The following WWOX variants were observed in gnomAD, a reference collection of about 807,000 sequenced individuals.
The protein encoded by WWOX is WW domain-containing oxidoreductase.
Under a neutral mutation model 46.2 loss-of-function variants are expected in WWOX, and 69 were observed. The observed-to-expected ratio is 1.49, with a 90% CI of 1.23 to 1.82. WWOX has a LOEUF of 1.82. Ranked by LOEUF, WWOX falls within the 40% of genes most tolerant of loss-of-function variation. WWOX has a pLI of 0.00. For missense variants in WWOX, 919 were observed against 542.6 expected (o/e 1.69, Z -6.89); for synonymous variants, 359 against 202.6 (o/e 1.77, Z -6.56).
chr16:78,417,595 C>A (rs138430025), intron 6 of WWOX, among the ~76,000 whole-genome samples: 1 of 152,202 alleles, frequency 6.6e-6, no homozygotes, highest in Non-Finnish European at 1.5e-5. Flanking sequence ...AAATGTAAGT[C>A]TCTCTTCACT....
chr16:79,097,625 A>T (rs1001905260), intron 8 of WWOX, among the ~76,000 whole-genome samples: 9 of 152,184 alleles, frequency 5.9e-5, no homozygotes, highest in Non-Finnish European at 1.0e-4. Flanking sequence ...GACGACATTC[A>T]ACATCGTACT....
chr16:78,464,595 C>G (rs775422762), intron 8 of WWOX, among the ~76,000 whole-genome samples: 1 of 152,148 alleles, frequency 6.6e-6, no homozygotes, highest in African/African-American at 2.4e-5. Flanking sequence ...AGGTTAGAGG[C>G]TATGTCAGAA....
At chr16:78,466,580 A>G (rs936289759) in intron 8 of WWOX, among the ~76,000 whole-genome samples, 2 of 152,152 alleles carry the variant, frequency 1.3e-5, no homozygotes, top group Admixed American at 1.3e-4. Context: ...CTGTAATCCC[A>G]GCACTTTGGG....
chr16:78,718,500 TTCAATAAAAATGAATTTGCCAG>T (rs1413848126), intron 8 of WWOX, among the ~76,000 whole-genome samples: 1 of 152,184 alleles, frequency 6.6e-6, no homozygotes, highest in Non-Finnish European at 1.5e-5. Flanking sequence ...ACACATGATG[TTCAATAAAAATGAATTTGCCAG>T]TCAGAAAAAT....
At chr16:78,427,543 CACA>C (rs2083113522) in intron 7 of WWOX, among the ~76,000 whole-genome samples, 1 of 135,796 alleles carries the variant, frequency 7.4e-6, no homozygotes, top group African/African-American at 2.5e-5. Context: ...CGCACGCACG[CACA>C]CACACACACA....
At chr16:78,822,934 A>G (rs2051544025) in intron 8 of WWOX, among the ~76,000 whole-genome samples, 1 of 152,170 alleles carries the variant, frequency 6.6e-6, no homozygotes, top group Non-Finnish European at 1.5e-5. Context: ...ACTAAAAGAA[A>G]AAAAAAAAGG....
At chr16:78,325,777 C>T (rs758460189) in intron 5 of WWOX, among the ~76,000 whole-genome samples, 23 of 152,336 alleles carry the variant, frequency 1.5e-4, no homozygotes, top group Middle Eastern at 3.4e-3. Flanking sequence ...GAAGCAAGTC[C>T]GTTGCCCTGG....
At chr16:78,422,788 C>T (rs1373778377) in intron 6 of WWOX, among the ~76,000 whole-genome samples, 1 of 121,014 alleles carries the variant, frequency 8.3e-6, no homozygotes, top group African/African-American at 4.7e-5. Flanking sequence ...TATATATACA[C>T]ACACACATAT....
intron 8 of WWOX, among the ~76,000 whole-genome samples, chr16:78,895,044 T>C (rs762439454): frequency 6.6e-6 from 1 of 152,194 alleles, no homozygotes; most frequent in Non-Finnish European, 1.5e-5. Context: ...CTATGTCTTA[T>C]CTTGGTAGTA....
At chr16:78,946,166 A>G (rs192494017) in intron 8 of WWOX, among the ~76,000 whole-genome samples, 250 of 151,932 alleles carry the variant, frequency 1.6e-3, no homozygotes, top group African/African-American at 5.2e-3. Context: ...ACCTCTGCCT[A>G]TTTTCTCTTT....
At chr16:78,809,711 G>A (rs527510020) in intron 8 of WWOX, among the ~76,000 whole-genome samples, 2 of 152,278 alleles carry the variant, frequency 1.3e-5, no homozygotes, top group Non-Finnish European at 2.9e-5. Flanking sequence ...GGCCATGTGG[G>A]CTTTGTTTGA....
intron 8 of WWOX, among the ~76,000 whole-genome samples, chr16:78,754,413 T>G (rs2049580076): frequency 6.6e-6 from 1 of 152,200 alleles, no homozygotes; most frequent in African/African-American, 2.4e-5. Flanking sequence ...ATTATGAATT[T>G]GTAGATCAGG....
chr16:78,192,732 G>T (rs1015754003), intron 5 of WWOX, among the ~76,000 whole-genome samples: 2 of 152,098 alleles, frequency 1.3e-5, no homozygotes, highest in African/African-American at 4.8e-5. Context: ...TTTTTTGACA[G>T]AATCTTTTTT....
At chr16:78,833,420 C>T (rs2051886724) in intron 8 of WWOX, among the ~76,000 whole-genome samples, 3 of 87,116 alleles carry the variant, frequency 3.4e-5, no homozygotes, top group Non-Finnish European at 8.7e-5. Context: ...ATGGCCCAGC[C>T]ATCTCCTCCT....
chr16:78,466,290 C>T (rs1470133899), intron 8 of WWOX, among the ~76,000 whole-genome samples: 1 of 152,110 alleles, frequency 6.6e-6, no homozygotes, highest in African/African-American at 2.4e-5. Flanking sequence ...CTTGGCCTCC[C>T]AAAGTGCTGG....
At chr16:78,265,282 A>C (rs1597421248) in intron 5 of WWOX, among the ~76,000 whole-genome samples, 1 of 152,010 alleles carries the variant, frequency 6.6e-6, no homozygotes, top group Non-Finnish European at 1.5e-5. Context: ...GGCATAAGCC[A>C]CCTCACCCAG....
chr16:78,578,805 A>T (rs2044972722), intron 8 of WWOX, among the ~76,000 whole-genome samples: 1 of 152,222 alleles, frequency 6.6e-6, no homozygotes, highest in Non-Finnish European at 1.5e-5. Flanking sequence ...CGGCTTCCAG[A>T]ATTGCATCCC....
intron 8 of WWOX, among the ~76,000 whole-genome samples, chr16:78,545,581 C>T (rs1168386024): frequency 6.6e-6 from 1 of 152,112 alleles, no homozygotes; most frequent in Non-Finnish European, 1.5e-5. Flanking sequence ...GTGGAGAGAC[C>T]ACAGTGATGC....
chr16:78,596,361 C>T (rs1341067814), intron 8 of WWOX, among the ~76,000 whole-genome samples: 1 of 151,988 alleles, frequency 6.6e-6, no homozygotes, highest in East Asian at 1.9e-4. Context: ...CCTTCAAGAG[C>T]ATGTAGTGTG....
Sources: allele counts gnomAD v4.1 joint callset (sites outside exome capture counted in the v4.1 genomes callset), GRCh38; gene constraint gnomAD v4.1.1; transcripts MANE v1.5; gene names NCBI Gene and HGNC (gene_info 2026-07-23, HGNC 2026-07-21).